The following TTC6 variants were observed in gnomAD, a reference collection of about 807,000 sequenced individuals.
TTC6 encodes tetratricopeptide repeat domain 6, also known as tetratricopeptide repeat protein 6.
In TTC6, 172 loss-of-function variants were observed where a neutral mutation model predicts 210.4. The ratio of observed to expected loss-of-function variants is 0.82; its 90% CI spans 0.72 to 0.93. The LOEUF (loss-of-function observed/expected upper bound fraction) is 0.93. Ranked by LOEUF, TTC6 falls within the 40% of genes least tolerant of loss-of-function variation. TTC6 has a pLI of 0.00. For synonymous variants in TTC6, 804 were observed against 819.6 expected (o/e 0.98, Z 0.32); for missense variants, 2,414 against 2,318.1 (o/e 1.04, Z -0.85).
chr14:37,785,950 G>A (rs1452491212), intron 14 of TTC6, among the ~76,000 whole-genome samples: 1 of 152,162 alleles, frequency 6.6e-6, no homozygotes, highest in Non-Finnish European at 1.5e-5. Flanking sequence ...ACATGTTGCA[G>A]AATGGCAAAT....
At chr14:37,798,025 G>A (rs534988186) in intron 20 of TTC6, among the ~76,000 whole-genome samples, 2 of 152,034 alleles carry the variant, frequency 1.3e-5, no homozygotes, top group African/African-American at 4.8e-5. Flanking sequence ...TCTATTACTG[G>A]CCCAGCAGTA....
intron 1 of TTC6, among the ~76,000 whole-genome samples, chr14:37,623,550 T>A (rs1328189678): frequency 6.6e-6 from 1 of 152,234 alleles, no homozygotes; most frequent in African/African-American, 2.4e-5. Context: ...GCTTCTTGTG[T>A]GCCAAACTCT....
intron 1 of TTC6, among the ~76,000 whole-genome samples, chr14:37,596,352 G>A (rs933388969): frequency 2.0e-5 from 3 of 152,294 alleles, no homozygotes; most frequent in Admixed American, 6.5e-5. Context: ...AGAGATGCCA[G>A]GCAGAAGCCC....
At chr14:37,777,833 T>C (rs1322312294) in intron 14 of TTC6, among the ~76,000 whole-genome samples, 1 of 150,112 alleles carries the variant, frequency 6.7e-6, no homozygotes, top group African/African-American at 2.5e-5. Flanking sequence ...TTGATTGTGG[T>C]ATAAGGTGGG....
At chr14:37,734,203 C>T (rs984305109) in intron 7 of TTC6, among the ~76,000 whole-genome samples, 9 of 152,248 alleles carry the variant, frequency 5.9e-5, no homozygotes, top group South Asian at 2.1e-4. Flanking sequence ...TGACTACCCT[C>T]GTGATAGAAC....
At position 37,772,461 on chromosome 14, in the gene TTC6, G is replaced by C. The variant is rs184912143; in HGVS notation, c.3267-15007G>C. 5.1e-3 allele frequency: 825 copies of C among 160,446 alleles called. 9 individuals are homozygous for C. Among genetic ancestry groups the C allele is most frequent in the African/African-American group, 0.019 (782 of 41,648 alleles). 9.9% of individuals were successfully genotyped at this position (160,446 alleles called of 1,614,324 possible). ...CCGTGCTAGCAATCAGGGAGACTCC[G>C]TGGGCGTAGGACCCTCCGAGCCACG... On this transcript the variant is annotated intron_variant, in intron 14 of 30. Transcript: ENST00000553443.
At chr14:37,705,596 C>T (rs74517250) in intron 5 of TTC6, among the ~76,000 whole-genome samples, 8,729 of 152,028 alleles carry the variant, frequency 0.057, 380 homozygotes, top group Non-Finnish European at 0.089. Flanking sequence ...AATATTGATC[C>T]GAGTAATCAA....
intron 29 of TTC6, among the ~76,000 whole-genome samples, chr14:37,830,348 A>G (rs1275496878): frequency 1.3e-5 from 2 of 152,058 alleles, no homozygotes; most frequent in Non-Finnish European, 2.9e-5. Flanking sequence ...TATCAAGTAC[A>G]CAGTATATGT....
intron 3 of TTC6, among the ~76,000 whole-genome samples, chr14:37,688,213 T>C (rs1049928512): frequency 5.9e-5 from 9 of 152,114 alleles, no homozygotes; most frequent in Non-Finnish European, 1.0e-4. Context: ...TTCTCTGCTT[T>C]TGAAAAGTGG....
chr14:37,804,763 C>T, exon 21 of TTC6: 1 of 1,614,094 alleles, frequency 6.2e-7, no homozygotes, highest in Non-Finnish European at 8.5e-7. Context: ...TTTCAGCAGA[C>T]TGTCTGTATA....
rs749213902 is a variant in TTC6, at chr14:37,749,274, CTGAAG to C, written c.2705_2709del (p.Val902AspfsTer4). On this transcript the variant is annotated frameshift_variant, in exon 11 of 31. Coordinates refer to ENST00000553443, the Ensembl canonical transcript of TTC6. LOFTEE classifies it high-confidence loss of function. The stretch of plus-strand genomic sequence containing the variant: ...CAAGAGGTCATTAAATATTATGAAT[CTGAAG>C]TGAAGATTTTGACTGAAGAAATAAA... 268 of 1,525,308 alleles carry C rather than the reference CTGAAG, an allele frequency of 1.8e-4. No individual in the cohort carries two copies. Among genetic ancestry groups the C allele is most frequent in the Middle Eastern group, 5.0e-4 (3 of 5,948 alleles). 94.5% of individuals were successfully genotyped at this position (1,525,308 alleles called of 1,614,324 possible).
At chr14:37,842,116 T>C in intron 30 of TTC6, 39 bp from the exon 33 acceptor site, 1 of 1,450,104 alleles carries the variant, frequency 6.9e-7, no homozygotes, top group Non-Finnish European at 9.1e-7. Context: ...ATTTTTTGAG[T>C]GCCAACTTAA....
At chr14:37,715,789 A>G (rs1392432726) in intron 6 of TTC6, among the ~76,000 whole-genome samples, 1 of 152,218 alleles carries the variant, frequency 6.6e-6, no homozygotes, top group Non-Finnish European at 1.5e-5. Context: ...ATTCTCAGAT[A>G]GAAGGAAACG....
At chr14:37,642,010 T>C (rs973086219) in intron 1 of TTC6, among the ~76,000 whole-genome samples, 7 of 152,266 alleles carry the variant, frequency 4.6e-5, no homozygotes, top group African/African-American at 1.7e-4. Flanking sequence ...TACATGCAGA[T>C]GGCACTTTGC....
chr14:37,774,450 T>C (rs1452580226), intron 14 of TTC6, among the ~76,000 whole-genome samples: 2 of 152,166 alleles, frequency 1.3e-5, no homozygotes, highest in Non-Finnish European at 2.9e-5. Flanking sequence ...TTCAAGTTTT[T>C]TAAGGGTTTT....
chr14:37,817,288 C>G (rs1453880263), intron 25 of TTC6, among the ~76,000 whole-genome samples: 1 of 152,108 alleles, frequency 6.6e-6, no homozygotes, highest in Non-Finnish European at 1.5e-5. Flanking sequence ...CATTGCAGGT[C>G]AAAACCATAG....
At chr14:37,659,153 G>T (rs926573846) in intron 1 of TTC6, among the ~76,000 whole-genome samples, 2 of 151,808 alleles carry the variant, frequency 1.3e-5, no homozygotes, top group Non-Finnish European at 2.9e-5. Context: ...TGGTATATAC[G>T]TACCACATTT....
intron 2 of TTC6, among the ~76,000 whole-genome samples, 166 bp downstream of exon 2, chr14:37,606,908 A>G (rs2095626228): frequency 6.6e-6 from 1 of 152,116 alleles, no homozygotes; most frequent in African/African-American, 2.4e-5. Flanking sequence ...AGGAAAGCAC[A>G]CTCTGAGTTT....
chr14:37,708,267 G>A (rs2138721059), intron 5 of TTC6, among the ~76,000 whole-genome samples: 1 of 151,976 alleles, frequency 6.6e-6, no homozygotes, highest in South Asian at 2.1e-4. Flanking sequence ...AATGTATAAG[G>A]AGTGCTTTTA....
Sources: gnomAD v4.1 joint callset for allele counts (sites outside exome capture counted in the v4.1 genomes callset) on GRCh38, gnomAD v4.1.1 for gene constraint, MANE v1.5 for transcripts, NCBI Gene and HGNC (gene_info 2026-07-23, HGNC 2026-07-21) for gene names.